The following GRIP1 variants were observed in gnomAD, a reference collection of about 807,000 sequenced individuals.
GRIP1 encodes glutamate receptor interacting protein 1.
Under a neutral mutation model 129.9 loss-of-function variants are expected in GRIP1, and 45 were observed. The observed-to-expected ratio is 0.35, with a 90% CI of 0.27 to 0.44. The LOEUF is 0.44. Among genes scored for constraint, GRIP1 ranks in the 20% least tolerant of loss-of-function variants. The pLI is 1.00. For synonymous variants in GRIP1, 530 were observed against 520.8 expected (o/e 1.02, Z -0.24); for missense variants, 1,196 against 1,396.8 (o/e 0.86, Z 2.29).
intron 1 of GRIP1, among the ~76,000 whole-genome samples, chr12:67,033,015 G>A (rs2043045189): frequency 6.6e-6 from 1 of 151,900 alleles, no homozygotes; most frequent in Admixed American, 6.6e-5. Flanking sequence ...GCACATGTCA[G>A]TTCAAACTAG....
intron 1 of GRIP1, among the ~76,000 whole-genome samples, chr12:67,025,406 G>GA (rs936927478): frequency 1.1e-4 from 16 of 151,398 alleles, no homozygotes; most frequent in African/African-American, 3.6e-4. Flanking sequence ...CACAGCCTAT[G>GA]AAAAAAACTG....
chr12:66,720,972 G>T (rs1050059895), intron 1 of GRIP1, among the ~76,000 whole-genome samples: 11 of 152,128 alleles, frequency 7.2e-5, no homozygotes, highest in African/African-American at 1.9e-4. Flanking sequence ...ACTTTGCCCA[G>T]ATCCATCAGA....
intron 1 of GRIP1, among the ~76,000 whole-genome samples, chr12:66,905,224 A>G (rs369624342): frequency 2.5e-4 from 38 of 152,326 alleles, no homozygotes; most frequent in African/African-American, 7.9e-4. Flanking sequence ...ACCCATTACT[A>G]TAAGTTGAAG....
chr12:67,062,922 TATTG>T (rs1391190645), intron 1 of GRIP1, among the ~76,000 whole-genome samples: 4 of 152,200 alleles, frequency 2.6e-5, no homozygotes, highest in African/African-American at 9.6e-5. Flanking sequence ...GAATAAAAAT[TATTG>T]ATTGATTGTT....
intron 2 of GRIP1, among the ~76,000 whole-genome samples, chr12:66,573,225 C>A (rs1186943267): frequency 1.3e-5 from 2 of 152,044 alleles, no homozygotes; most frequent in Non-Finnish European, 2.9e-5. Context: ...AAACCAAAGC[C>A]CTGAACTGAA....
intron 1 of GRIP1, among the ~76,000 whole-genome samples, chr12:66,913,151 G>A (rs796304436): frequency 1.5e-4 from 23 of 152,206 alleles, no homozygotes; most frequent in African/African-American, 5.5e-4. Flanking sequence ...TGAAACAAGT[G>A]CTTGAAACTC....
intron 1 of GRIP1, among the ~76,000 whole-genome samples, chr12:66,632,192 G>GA (rs1180458852): frequency 6.6e-6 from 1 of 152,156 alleles, no homozygotes; most frequent in Non-Finnish European, 1.5e-5. Context: ...TAATGAGACT[G>GA]GTGGAAGTAT....
At chr12:66,476,156 A>G (rs1286638596) in intron 7 of GRIP1, among the ~76,000 whole-genome samples, 2 of 152,200 alleles carry the variant, frequency 1.3e-5, no homozygotes, top group Non-Finnish European at 2.9e-5. Context: ...AGAATCAAAT[A>G]GATGCAATAA....
intron 2 of GRIP1, among the ~76,000 whole-genome samples, chr12:66,567,146 T>C (rs1194101584): frequency 3.3e-5 from 5 of 152,202 alleles, no homozygotes. Context: ...CTGATCTTAG[T>C]TATTTCTTGC....
upstream of GRIP1, among the ~76,000 whole-genome samples, chr12:66,681,355 T>C (rs916083493): frequency 1.3e-5 from 2 of 152,174 alleles, no homozygotes; most frequent in African/African-American, 2.4e-5. Flanking sequence ...CTTTGCCTAA[T>C]GCAAGCTTAG....
chr12:66,654,183 C>G (rs1344514281), intron 1 of GRIP1, among the ~76,000 whole-genome samples: 1 of 151,710 alleles, frequency 6.6e-6, no homozygotes, highest in East Asian at 1.9e-4. Flanking sequence ...AGGGAGACAA[C>G]TACAAAAAAT....
intron 2 of GRIP1, among the ~76,000 whole-genome samples, chr12:66,577,039 T>G (rs1483831847): frequency 6.6e-6 from 1 of 152,240 alleles, no homozygotes; most frequent in Non-Finnish European, 1.5e-5. Flanking sequence ...AAGTGTCTAG[T>G]TTTGGCTGCT....
At chr12:67,039,794 A>G (rs1280616344) in intron 1 of GRIP1, among the ~76,000 whole-genome samples, 3 of 152,146 alleles carry the variant, frequency 2.0e-5, no homozygotes, top group African/African-American at 7.2e-5. Context: ...GGCCTTCTTG[A>G]GTGCTCAAAA....
At chr12:66,688,565 T>G (rs1437138390) in intron 1 of GRIP1, among the ~76,000 whole-genome samples, 1 of 152,130 alleles carries the variant, frequency 6.6e-6, no homozygotes, top group Non-Finnish European at 1.5e-5. Flanking sequence ...GCTTCTCTCT[T>G]AGGAAATTCA....
chr12:66,482,581 C>G (rs969925890), intron 7 of GRIP1, among the ~76,000 whole-genome samples: 1 of 152,132 alleles, frequency 6.6e-6, no homozygotes, highest in African/African-American at 2.4e-5. Context: ...GCTCATACTG[C>G]CTTGTGGTAT....
chr12:66,522,257 G>C (rs1264784774), intron 5 of GRIP1, among the ~76,000 whole-genome samples: 1 of 152,158 alleles, frequency 6.6e-6, no homozygotes, highest in South Asian at 2.1e-4. Context: ...CCCCAAATAG[G>C]GGCAGACTGA....
chr12:66,755,494 G>C (rs1010879577), intron 1 of GRIP1, among the ~76,000 whole-genome samples: 1 of 152,188 alleles, frequency 6.6e-6, no homozygotes, highest in African/African-American at 2.4e-5. Flanking sequence ...GAATTCATTA[G>C]CACAAAAAAG....
chr12:66,878,410 A>T (rs1422055844), intron 1 of GRIP1, among the ~76,000 whole-genome samples: 1 of 151,954 alleles, frequency 6.6e-6, no homozygotes, highest in Non-Finnish European at 1.5e-5. Flanking sequence ...AGCAGAAATG[A>T]GTGTGAGAGG....
intron 2 of GRIP1, chr12:66,563,613 T>C (rs2062620232): frequency 6.1e-6 from 1 of 162,834 alleles, no homozygotes; most frequent in Non-Finnish European, 1.4e-5. Flanking sequence ...GGAAATCCAA[T>C]GGGAGACAAG....
Sources: gnomAD v4.1 joint callset for allele counts (sites outside exome capture counted in the v4.1 genomes callset) on GRCh38, gnomAD v4.1.1 for gene constraint, MANE v1.5 for transcripts, NCBI Gene and HGNC (gene_info 2026-07-23, HGNC 2026-07-21) for gene names.